The following IFNLR1 variants were observed in gnomAD, a reference collection of about 807,000 sequenced individuals.
IFNLR1 encodes the protein CRF2-12.
IFNLR1 carries 28 observed loss-of-function variants against 52.5 expected under a neutral mutation model. That is an observed-to-expected ratio of 0.53 (90% CI 0.40 to 0.73). The LOEUF (loss-of-function observed/expected upper bound fraction) is 0.73. IFNLR1 is among the 30% of genes least tolerant of loss of function. IFNLR1 has a pLI of 0.00. For synonymous variants in IFNLR1, 276 were observed against 274.9 expected (o/e 1.00, Z -0.04); for missense variants, 623 against 659.1 (o/e 0.95, Z 0.60).
At chr1:24,170,791 T>C (rs1179611019) in intron 2 of IFNLR1, among the ~76,000 whole-genome samples, 3 of 152,182 alleles carry the variant, frequency 2.0e-5, no homozygotes, top group Admixed American at 2.0e-4. Context: ...ATAGAACTAA[T>C]AGAACTTGCT....
intron 1 of IFNLR1, among the ~76,000 whole-genome samples, chr1:24,184,101 A>C (rs1325040334): frequency 2.0e-5 from 3 of 151,886 alleles, no homozygotes; most frequent in Middle Eastern, 3.2e-3. Context: ...CCTTGCTCCC[A>C]TATCTCCATC....
At position 24,155,310 on chromosome 1, in the gene IFNLR1, C is replaced by G. The variant is rs1258618008; in HGVS notation, c.*1820G>C. ...TATTTTACTGACATGGACAAGGGGTCAGAGGTTGGCCCGGCTGTGCAGAGA... is the reference window on the plus strand; with the variant it reads ...TATTTTACTGACATGGACAAGGGGTGAGAGGTTGGCCCGGCTGTGCAGAGA... On this transcript the variant is annotated 3_prime_UTR_variant, in exon 7 of 7. Transcript: ENST00000327535. 1 of 152,208 alleles carries G rather than the reference C, an allele frequency of 6.6e-6. No individual in the cohort carries two copies. The highest frequency in any genetic ancestry group is 1.9e-4 in the East Asian group (1 of 5,202). 9.4% of individuals were successfully genotyped at this position (152,208 alleles called of 1,614,324 possible).
chr1:24,155,457 A>C lies in IFNLR1; in HGVS notation c.*1673T>G, dbSNP rs987363380. 1 of 152,228 alleles carries C rather than the reference A, an allele frequency of 6.6e-6. No individual in the cohort carries two copies. The highest frequency in any genetic ancestry group is 2.4e-5 in the African/African-American group (1 of 41,450). The allele number at this position is 152,228 out of a possible 1,614,324, so 9.4% of individuals were successfully genotyped here. ...TTTGCAACAAAAGGAGTGGTTTGCTAACTTTTTCTTGAGTAGTGGATCCCT... is the reference window on the plus strand; with the variant it reads ...TTTGCAACAAAAGGAGTGGTTTGCTCACTTTTTCTTGAGTAGTGGATCCCT... On this transcript the variant is annotated 3_prime_UTR_variant, in exon 7 of 7. Coordinates refer to ENST00000327535, the MANE Select transcript of IFNLR1 (RefSeq NM_170743.4).
In IFNLR1 at chr1:24,163,584, TTC is replaced by T. The variant is rs1162199097; in HGVS notation, c.368-1902_368-1901del. ...CCCAAAATCCACATCTCTTTCTTTTTTCTTTTTTTTTTTAGATGGAGTTTCAC... is the reference window on the plus strand; with the variant it reads ...CCCAAAATCCACATCTCTTTCTTTTTTTTTTTTTTTTAGATGGAGTTTCAC... On this transcript the variant is annotated intron_variant, in intron 3 of 6. Coordinates refer to ENST00000327535, the MANE Select transcript of IFNLR1 (RefSeq NM_170743.4). Among the ~76,000 whole-genome samples the T allele has an allele frequency of 1.5e-3, 180 of 122,128 alleles. 1 individual carries two copies. The highest frequency in any genetic ancestry group is 4.8e-3 in the African/African-American group (159 of 32,890). 80.1% of individuals were successfully genotyped at this position (122,128 alleles called of 152,430 possible). A position where few individuals can be genotyped will look rare whatever the true frequency, so the allele number is the denominator to read the frequency against.
chr1:24,165,852 T>C (rs1249846941), intron 3 of IFNLR1, among the ~76,000 whole-genome samples: 1 of 152,160 alleles, frequency 6.6e-6, no homozygotes, highest in Non-Finnish European at 1.5e-5. Flanking sequence ...CCTTGTATCC[T>C]GACCTTCAGG....
intron 2 of IFNLR1, among the ~76,000 whole-genome samples, chr1:24,177,192 C>G (rs1242320124): frequency 6.6e-6 from 1 of 152,030 alleles, no homozygotes; most frequent in African/African-American, 2.4e-5. Context: ...TCCAGAGGAA[C>G]AGAACTAATA....
At chr1:24,182,606 T>G (rs778424503) in intron 1 of IFNLR1, among the ~76,000 whole-genome samples, 1 of 152,150 alleles carries the variant, frequency 6.6e-6, no homozygotes, top group African/African-American at 2.4e-5. Context: ...GAGAATTTCA[T>G]ATTGGACTCC....
chr1:24,173,884 T>C (rs760859350), intron 2 of IFNLR1, among the ~76,000 whole-genome samples: 39 of 152,104 alleles, frequency 2.6e-4, no homozygotes, highest in Non-Finnish European at 4.3e-4. Flanking sequence ...GATCTTTATC[T>C]AAGAGAAATG....
At position 24,179,273 on chromosome 1, in the gene IFNLR1, T is replaced by G. The variant is rs371588870; in HGVS notation, c.182+1458A>C. 1.9e-4 allele frequency among the ~76,000 whole-genome samples: 29 copies of G among 152,178 alleles called. No individual in the cohort carries two copies. The East Asian group carries it at 5.4e-3, about 28-fold the overall frequency. The stretch of plus-strand genomic sequence containing the variant: ...TGGTCCTAGAGGATAGACTTTCAAC[T>G]CCTTAATAAATTTATTCCAGCCATA... On this transcript the variant is annotated intron_variant, in intron 2 of 6. Coordinates refer to ENST00000327535, the MANE Select transcript of IFNLR1 (RefSeq NM_170743.4).
chr1:24,180,673 CCA>C, intron 2 of IFNLR1, 56 bp downstream of exon 2: 4 of 596,458 alleles, frequency 6.7e-6, no homozygotes, highest in Non-Finnish European at 1.2e-5. Context: ...AGAAGCCCCT[CCA>C]GCCCCCACCC....
At position 24,157,451 on chromosome 1, in the gene IFNLR1, T is replaced by C; in HGVS notation, c.1242A>G (p.Gln414=). 6.2e-7 allele frequency: 1 copy of C among 1,614,124 alleles called. No homozygotes were observed. The highest frequency in any genetic ancestry group is 8.5e-7 in the Non-Finnish European group (1 of 1,179,984). The change falls in exon 7 of 7, where the codon CAA becomes CAG. Residue 414 remains glutamine, a synonymous_variant. Coordinates refer to ENST00000327535, the MANE Select transcript of IFNLR1 (RefSeq NM_170743.4). The surrounding 1 kb of genome is among the most constrained non-coding windows in gnomAD (Gnocchi z 5.1). ...CTTGGTGCCCATCCCCACCCGGCCC[T>C]TGGCCTGGCCCCTTCTCAGCCAAAT... The part of the protein sequence containing the change: ...SGYLAEKGPG[Q]GPGGDGHQES...
intron 2 of IFNLR1, among the ~76,000 whole-genome samples, chr1:24,178,641 G>A (rs991365652): frequency 7.2e-5 from 11 of 152,074 alleles, no homozygotes; most frequent in South Asian, 2.1e-4. Context: ...AGAGTACGTC[G>A]CAATAGACTG....
At chr1:24,185,793 TCTATGAA>T (rs1569711340) in intron 1 of IFNLR1, among the ~76,000 whole-genome samples, 1 of 152,330 alleles carries the variant, frequency 6.6e-6, no homozygotes, top group East Asian at 1.9e-4. Flanking sequence ...GCAACTTTCC[TCTATGAA>T]GCCTTCAAAG....
At chr1:24,180,675 A>ACCCCCC in intron 2 of IFNLR1, 56 bp downstream of exon 2, 6 of 385,910 alleles carry the variant, frequency 1.6e-5, no homozygotes, top group Admixed American at 3.0e-5. Context: ...AAGCCCCTCC[A>ACCCCCC]GCCCCCACCC....
intron 3 of IFNLR1, among the ~76,000 whole-genome samples, chr1:24,168,404 A>G (rs1230362497): frequency 6.6e-6 from 1 of 152,080 alleles, no homozygotes. Context: ...CTGTCTGGGC[A>G]TTTATCCTCC....
Position 24,157,898 on chromosome 1 carries a change from TG to T in IFNLR1, c.802-8del. On this transcript the variant is annotated splice_region_variant and splice_polypyrimidine_tract_variant and intron_variant, in intron 6 of 6. Coordinates refer to ENST00000327535, the MANE Select transcript of IFNLR1 (RefSeq NM_170743.4). The surrounding 1 kb of genome is among the most constrained non-coding windows in gnomAD (Gnocchi z 5.1). ...GTGTGTGTCCAGAAAAGTCCTGATTTGGGTAGGGGAGAGAAAAGCAGAAAAT... is the reference window on the plus strand; with the variant it reads ...GTGTGTGTCCAGAAAAGTCCTGATTTGGTAGGGGAGAGAAAAGCAGAAAAT... The T allele has an allele frequency of 6.5e-7, 1 of 1,546,276 alleles. No homozygotes were observed. Among genetic ancestry groups the T allele is most frequent in the South Asian group, 1.2e-5 (1 of 81,292 alleles).
At chr1:24,183,668 CA>C (rs1330448242) in intron 1 of IFNLR1, among the ~76,000 whole-genome samples, 1 of 152,162 alleles carries the variant, frequency 6.6e-6, no homozygotes, top group African/African-American at 2.4e-5. Context: ...AGATCATGTT[CA>C]TCTTCTGCTT....
chr1:24,170,760 A>G (rs958585089), intron 2 of IFNLR1, among the ~76,000 whole-genome samples: 1 of 152,242 alleles, frequency 6.6e-6, no homozygotes, highest in Admixed American at 6.5e-5. Context: ...GCTGGATTCA[A>G]TATCTATTTT....
intron 3 of IFNLR1, among the ~76,000 whole-genome samples, chr1:24,166,475 G>A (rs887274035): frequency 9.2e-5 from 14 of 151,526 alleles, no homozygotes; most frequent in South Asian, 4.2e-4. Flanking sequence ...TGGATGTCCT[G>A]CTTTTCTTCT....
Sources: allele counts gnomAD v4.1 joint callset (sites outside exome capture counted in the v4.1 genomes callset), GRCh38; gene constraint gnomAD v4.1.1; non-coding constraint Gnocchi (gnomAD v3.1); transcripts MANE v1.5; gene names NCBI Gene and HGNC (gene_info 2026-07-23, HGNC 2026-07-21).